ROBO2: variants seen among roughly 807,000 people sequenced by gnomAD.
ROBO2 encodes the protein roundabout homolog 2.
In ROBO2, 53 loss-of-function variants were observed where a neutral mutation model predicts 160.8. That is an observed-to-expected ratio of 0.33 (90% confidence interval 0.26 to 0.41). ROBO2 has a LOEUF of 0.41. Ranked by LOEUF, ROBO2 falls within the 10% of genes least tolerant of loss-of-function variation. The pLI is 1.00. For missense variants in ROBO2, 1,577 were observed against 1,722.4 expected, an observed-to-expected ratio of 0.92 and a Z score of 1.49; for synonymous variants, 664 against 611.7, an observed-to-expected ratio of 1.09 and a Z score of -1.26.
intron 2 of ROBO2, among the ~76,000 whole-genome samples, chr3:76,467,276 G>T (rs1457598227): frequency 1.3e-5 from 2 of 151,898 alleles, no homozygotes; most frequent in Non-Finnish European, 1.5e-5. Flanking sequence ...ACAACCAAAG[G>T]TGATTATTAT....
chr3:77,407,861 C>G (rs535120764), intron 2 of ROBO2, among the ~76,000 whole-genome samples: 1 of 152,208 alleles, frequency 6.6e-6, no homozygotes, highest in Non-Finnish European at 1.5e-5. Flanking sequence ...AAAAGTAAAA[C>G]AAGACTCATT....
intron 2 of ROBO2, among the ~76,000 whole-genome samples, chr3:76,725,915 A>G (rs189920735): frequency 1.3e-5 from 2 of 152,324 alleles, no homozygotes; most frequent in Non-Finnish European, 2.9e-5. Context: ...AATGTCTAAC[A>G]TCCTTTAACT....
intron 2 of ROBO2, among the ~76,000 whole-genome samples, chr3:76,999,856 TTGTC>T (rs1456163338): frequency 2.0e-5 from 3 of 152,172 alleles, no homozygotes; most frequent in Non-Finnish European, 4.4e-5. Context: ...TTTGTGTTCT[TTGTC>T]TGTTTCATGT....
chr3:76,260,109 A>G (rs1001679490), intron 2 of ROBO2, among the ~76,000 whole-genome samples: 1 of 152,172 alleles, frequency 6.6e-6, no homozygotes, highest in African/African-American at 2.4e-5. Flanking sequence ...AGCTGAAACC[A>G]TAGAAAGTAT....
At chr3:77,621,609 G>A (rs1240230369) in intron 22 of ROBO2, among the ~76,000 whole-genome samples, 2 of 152,254 alleles carry the variant, frequency 1.3e-5, no homozygotes, top group African/African-American at 2.4e-5. Context: ...TTAAGACTTT[G>A]TTGGGTGAGA....
chr3:76,222,841 G>A (rs1422220160), intron 2 of ROBO2, among the ~76,000 whole-genome samples: 1 of 151,426 alleles, frequency 6.6e-6, no homozygotes, highest in African/African-American at 2.4e-5. Flanking sequence ...TGCAACCTCC[G>A]CCACCCGGGT....
intron 13 of ROBO2, among the ~76,000 whole-genome samples, chr3:77,568,857 T>C (rs1483426279): frequency 6.6e-6 from 1 of 152,022 alleles, no homozygotes; most frequent in Non-Finnish European, 1.5e-5. Context: ...TACTCTATGT[T>C]TTTGTAGATT....
intron 2 of ROBO2, among the ~76,000 whole-genome samples, chr3:76,603,332 C>CAAAAAAAAAA (rs61547121): frequency 3.0e-5 from 2 of 66,534 alleles, no homozygotes; most frequent in Admixed American, 1.7e-4. Context: ...ACTCCATCTC[C>CAAAAAAAAAA]AAAAAAAAAA....
chr3:76,367,802 C>T (rs761107956), intron 2 of ROBO2, among the ~76,000 whole-genome samples: 3 of 151,866 alleles, frequency 2.0e-5, no homozygotes, highest in Non-Finnish European at 4.4e-5. Flanking sequence ...AACCAGGTTT[C>T]GTGATAATTT....
chr3:77,052,187 C>A (rs748890666), intron 1 of ROBO2, among the ~76,000 whole-genome samples: 11 of 152,172 alleles, frequency 7.2e-5, no homozygotes, highest in Non-Finnish European at 1.3e-4. Context: ...AGGCAGAACA[C>A]AGTACAGGCC....
At chr3:76,453,921 A>C (rs2077610940) in intron 2 of ROBO2, among the ~76,000 whole-genome samples, 1 of 152,086 alleles carries the variant, frequency 6.6e-6, no homozygotes, top group Non-Finnish European at 1.5e-5. Context: ...GGCCTAAAGA[A>C]ATAAGGACAT....
chr3:76,339,466 G>T (rs2074086322), intron 2 of ROBO2, among the ~76,000 whole-genome samples: 1 of 151,944 alleles, frequency 6.6e-6, no homozygotes. Context: ...CACCTGTTTT[G>T]GACAGTGGCA....
chr3:75,910,107 C>T (rs1946505848), intron 1 of ROBO2, among the ~76,000 whole-genome samples: 1 of 152,188 alleles, frequency 6.6e-6, no homozygotes, highest in African/African-American at 2.4e-5. Flanking sequence ...GCAGTTAGTA[C>T]AGGGCTGCTC....
In ROBO2 at chr3:76,860,664, T is replaced by C. The variant is rs1369266658; in HGVS notation, c.110-237350T>C. ...TTGTCTGCCAACCTTTCTTGCAACC[T>C]AACCCATGTGTTTTCCATTTTCCTC... On this transcript the variant is annotated intron_variant, in intron 2 of 26. Coordinates refer to the ROBO2 transcript ENST00000487694. 4.6e-5 allele frequency among the ~76,000 whole-genome samples: 7 copies of C among 152,180 alleles called. No homozygotes were observed. The South Asian group carries it at 1.4e-3, about 31-fold the overall frequency.
At chr3:76,494,537 T>TC (rs1346070453) in intron 2 of ROBO2, among the ~76,000 whole-genome samples, 3 of 152,164 alleles carry the variant, frequency 2.0e-5, no homozygotes, top group Non-Finnish European at 4.4e-5. Context: ...GGTCTCGACT[T>TC]CCCATCCTTG....
chr3:76,287,135 G>T (rs1708541818), intron 2 of ROBO2, among the ~76,000 whole-genome samples: 1 of 152,122 alleles, frequency 6.6e-6, no homozygotes, highest in Non-Finnish European at 1.5e-5. Flanking sequence ...TATCCTGACT[G>T]ATAAGAGGAA....
intron 2 of ROBO2, among the ~76,000 whole-genome samples, chr3:75,972,811 C>T (rs1203165656): frequency 1.3e-5 from 2 of 151,602 alleles, no homozygotes; most frequent in African/African-American, 4.8e-5. Context: ...TTGAAAACCA[C>T]TGCTGTGGAC....
chr3:76,796,345 C>G (rs1425832696), intron 2 of ROBO2, among the ~76,000 whole-genome samples: 1 of 150,608 alleles, frequency 6.6e-6, no homozygotes, highest in East Asian at 2.0e-4. Context: ...ATCAAAACAT[C>G]TACAATATAT....
intron 2 of ROBO2, among the ~76,000 whole-genome samples, chr3:76,675,809 G>A (rs72888346): frequency 0.027 from 4,129 of 152,154 alleles, 190 homozygotes; most frequent in African/African-American, 0.093. Flanking sequence ...TATTCCAAAT[G>A]TACAAAAGTC....
Sources: allele counts gnomAD v4.1 joint callset (sites outside exome capture counted in the v4.1 genomes callset), GRCh38; gene constraint gnomAD v4.1.1; transcripts MANE v1.5; gene names NCBI Gene and HGNC (gene_info 2026-07-23, HGNC 2026-07-21).